FYN: variants seen among roughly 807,000 people sequenced by gnomAD.
FYN encodes FYN proto-oncogene, Src family tyrosine kinase.
Under a neutral mutation model 70.2 loss-of-function variants are expected in FYN, and 10 were observed. The ratio of observed to expected loss-of-function variants is 0.14; its 90% CI spans 0.09 to 0.24. The LOEUF is 0.24. Ranked by LOEUF, FYN falls within the 10% of genes least tolerant of loss-of-function variation. FYN has a pLI of 1.00. For missense variants in FYN, 319 were observed against 673.1 expected (o/e 0.47, Z 5.82); for synonymous variants, 236 against 248.6 (o/e 0.95, Z 0.48).
intron 2 of FYN, among the ~76,000 whole-genome samples, chr6:111,822,396 C>T (rs908309427): frequency 1.6e-4 from 24 of 151,968 alleles, no homozygotes; most frequent in South Asian, 8.3e-4. Flanking sequence ...AACCAAACAC[C>T]GCATGTTCTC....
chr6:111,699,174 T>C (rs2128441666), intron 9 of FYN, among the ~76,000 whole-genome samples: 1 of 152,304 alleles, frequency 6.6e-6, no homozygotes, highest in South Asian at 2.1e-4. Context: ...GTTAATTAGC[T>C]AGTAAGGATT....
intron 3 of FYN, among the ~76,000 whole-genome samples, chr6:111,757,920 TTC>T (rs1430017949): frequency 6.6e-6 from 1 of 152,190 alleles, no homozygotes; most frequent in African/African-American, 2.4e-5. Flanking sequence ...CACATACGAT[TTC>T]TTTTTTCCAC....
intron 3 of FYN, among the ~76,000 whole-genome samples, chr6:111,754,078 A>G (rs543411649): frequency 9.2e-5 from 14 of 152,318 alleles, no homozygotes; most frequent in Middle Eastern, 3.4e-3. Context: ...TTTTAAATGC[A>G]ATGATAATAA....
chr6:111,812,418 G>A (rs1049254752), intron 2 of FYN, among the ~76,000 whole-genome samples: 5 of 152,144 alleles, frequency 3.3e-5, no homozygotes, highest in Non-Finnish European at 5.9e-5. Flanking sequence ...TACTCTACTG[G>A]CTGTAAATAA....
At chr6:111,720,692 T>C (rs550936499) in intron 3 of FYN, among the ~76,000 whole-genome samples, 1 of 152,306 alleles carries the variant, frequency 6.6e-6, no homozygotes, top group Non-Finnish European at 1.5e-5. Context: ...CAGAGTATAT[T>C]TGCAGGATGT....
chr6:111,734,392 T>C (rs1801609997), intron 3 of FYN, among the ~76,000 whole-genome samples: 1 of 152,248 alleles, frequency 6.6e-6, no homozygotes, highest in Non-Finnish European at 1.5e-5. Context: ...AGCTAGGCAT[T>C]GCTGTGTCCT....
At chr6:111,802,920 C>A (rs1772034861) in intron 2 of FYN, among the ~76,000 whole-genome samples, 1 of 152,110 alleles carries the variant, frequency 6.6e-6, no homozygotes, top group Non-Finnish European at 1.5e-5. Flanking sequence ...GGGAAAAAGT[C>A]CTAGATTTCT....
At chr6:111,826,349 T>C (rs1772834114) in intron 2 of FYN, among the ~76,000 whole-genome samples, 1 of 152,102 alleles carries the variant, frequency 6.6e-6, no homozygotes, top group African/African-American at 2.4e-5. Flanking sequence ...TGTGTGCACT[T>C]CTATATATGT....
At chr6:111,855,421 TTA>T (rs1469053911) in intron 1 of FYN, among the ~76,000 whole-genome samples, 1 of 152,212 alleles carries the variant, frequency 6.6e-6, no homozygotes, top group Non-Finnish European at 1.5e-5. Flanking sequence ...TTAGAATGTG[TTA>T]TGTCACATGC....
At chr6:111,849,575 G>A (rs1038856394) in intron 1 of FYN, among the ~76,000 whole-genome samples, 4 of 152,306 alleles carry the variant, frequency 2.6e-5, no homozygotes, top group South Asian at 2.1e-4. Context: ...GCAGGCTGGA[G>A]GGAGAAAGGT....
intron 3 of FYN, among the ~76,000 whole-genome samples, chr6:111,774,649 A>C (rs538791197): frequency 5.3e-5 from 8 of 151,576 alleles, no homozygotes; most frequent in Non-Finnish European, 8.8e-5. Flanking sequence ...ATAACATTGC[A>C]CTGCCTAGGA....
chr6:111,839,170 G>A (rs1048061852), intron 2 of FYN, among the ~76,000 whole-genome samples: 2 of 152,114 alleles, frequency 1.3e-5, no homozygotes, highest in Admixed American at 1.3e-4. Flanking sequence ...GCCACCTATA[G>A]AAGAGTTTCC....
intron 2 of FYN, among the ~76,000 whole-genome samples, chr6:111,817,452 G>A (rs776246236): frequency 2.0e-5 from 3 of 152,044 alleles, no homozygotes; most frequent in Admixed American, 6.6e-5. Context: ...AAAACTAAAC[G>A]AATACATGGT....
chr6:111,710,847 G>C (rs1338598036), intron 5 of FYN, among the ~76,000 whole-genome samples: 2 of 152,174 alleles, frequency 1.3e-5, no homozygotes, highest in African/African-American at 4.8e-5. Flanking sequence ...TGGGTAATTA[G>C]CATTGTTAAA....
chr6:111,704,744 G>C (rs968174206), intron 6 of FYN, among the ~76,000 whole-genome samples: 1 of 150,604 alleles, frequency 6.6e-6, no homozygotes. Flanking sequence ...ACAGAGCAAA[G>C]CCGTGTCTCA....
intron 2 of FYN, among the ~76,000 whole-genome samples, chr6:111,795,899 G>A (rs758617993): frequency 7.2e-5 from 11 of 152,190 alleles, no homozygotes; most frequent in Non-Finnish European, 1.6e-4. Context: ...ATTCCTGAGA[G>A]TAGGTTGAGA....
At chr6:111,847,907 C>G (rs1278858768) in intron 1 of FYN, among the ~76,000 whole-genome samples, 1 of 152,226 alleles carries the variant, frequency 6.6e-6, no homozygotes, top group Non-Finnish European at 1.5e-5. Context: ...GCCATTGCAG[C>G]TCATGCCTTA....
chr6:111,670,556 G>T (rs1798218572), intron 13 of FYN, among the ~76,000 whole-genome samples: 1 of 151,452 alleles, frequency 6.6e-6, no homozygotes, highest in Admixed American at 6.6e-5. Flanking sequence ...CTTGGTGCTT[G>T]CAACAGTACC....
chr6:111,773,928 T>C (rs1671027041), intron 3 of FYN, among the ~76,000 whole-genome samples: 1 of 152,182 alleles, frequency 6.6e-6, no homozygotes, highest in Non-Finnish European at 1.5e-5. Context: ...ACAGCTCCTG[T>C]AAGGGTTCAC....
Sources: gnomAD v4.1 joint callset for allele counts (sites outside exome capture counted in the v4.1 genomes callset) on GRCh38, gnomAD v4.1.1 for gene constraint, MANE v1.5 for transcripts, NCBI Gene and HGNC (gene_info 2026-07-23, HGNC 2026-07-21) for gene names.